PITPNM2: variants seen among roughly 807,000 people sequenced by gnomAD.
PITPNM2 encodes membrane-associated phosphatidylinositol transfer protein 2.
PITPNM2 carries 35 observed loss-of-function variants against 132.2 expected under a neutral mutation model. The observed-to-expected ratio is 0.26, with a 90% CI of 0.20 to 0.35. The LOEUF is 0.35. PITPNM2 is among the 10% of genes least tolerant of loss of function. PITPNM2 has a pLI of 1.00. For synonymous variants in PITPNM2, 738 were observed against 799.2 expected, an observed-to-expected ratio of 0.92 and a Z score of 1.29; for missense variants, 1,332 against 1,912.0, an observed-to-expected ratio of 0.70 and a Z score of 5.66.
intron 2 of PITPNM2, among the ~76,000 whole-genome samples, chr12:123,109,128 C>T (rs1010577409): frequency 5.9e-5 from 9 of 152,204 alleles, no homozygotes; most frequent in African/African-American, 2.2e-4. Context: ...ATTAAACCTA[C>T]CCCCACCAGC....
chr12:123,131,555 G>A (rs184306966), intron 1 of PITPNM2, among the ~76,000 whole-genome samples: 12 of 152,292 alleles, frequency 7.9e-5, no homozygotes, highest in Admixed American at 6.5e-5. Flanking sequence ...ATATGGTAGT[G>A]CACAAGCCCC....
At chr12:123,151,159 AGCGGCG>A (rs1048978238), upstream of PITPNM2, among the ~76,000 whole-genome samples, 2 of 143,302 alleles carry the variant, frequency 1.4e-5, no homozygotes, top group Admixed American at 6.8e-5. Context: ...CGCGCGGGGG[AGCGGCG>A]GCGGCGGCGG....
At position 123,078,781 on chromosome 12, in the gene PITPNM2, G is replaced by A. The variant is rs1025235337; in HGVS notation, c.-96+31604C>T. ...GGATGGGGACTCCCAGGCTCCCCAC[G>A]CTGGGTGGCATCTCCCATCACGCCT... is the stretch of plus-strand genomic sequence containing the variant. On this transcript the variant is annotated intron_variant, in intron 2 of 25. Coordinates refer to ENST00000320201, the MANE Select transcript of PITPNM2 (RefSeq NM_020845.3). This position sits in a 1 kb window ranked among gnomAD's most constrained non-coding sequence, Gnocchi z 7.3. Among the ~76,000 whole-genome samples the A allele has an allele frequency of 3.3e-5, 5 of 152,310 alleles. No individual in the cohort carries two copies. Among genetic ancestry groups the A allele is most frequent in the Admixed American group, 2.6e-4 (4 of 15,302 alleles).
chr12:123,017,659 C>T (rs773473326), intron 3 of PITPNM2, among the ~76,000 whole-genome samples: 4 of 152,140 alleles, frequency 2.6e-5, no homozygotes, highest in Admixed American at 6.5e-5. Context: ...TCTATCCATA[C>T]AATAATAGAA....
At chr12:123,147,805 T>C (rs993232988) in intron 1 of PITPNM2, among the ~76,000 whole-genome samples, 1 of 152,200 alleles carries the variant, frequency 6.6e-6, no homozygotes, top group African/African-American at 2.4e-5. Flanking sequence ...TTGACCTCTC[T>C]GTGTGTCTTA....
At chr12:123,135,255 A>G (rs2043351405) in intron 1 of PITPNM2, among the ~76,000 whole-genome samples, 1 of 152,220 alleles carries the variant, frequency 6.6e-6, no homozygotes, top group East Asian at 1.9e-4. Flanking sequence ...AGGTAGGTTC[A>G]GGTTCCATTT....
chr12:123,065,065 A>G (rs2041368825), intron 2 of PITPNM2, among the ~76,000 whole-genome samples: 1 of 152,182 alleles, frequency 6.6e-6, no homozygotes, highest in African/African-American at 2.4e-5. Context: ...CCCATTCTGC[A>G]GGCACTTGCC....
rs560375404 is a variant in PITPNM2, at chr12:123,009,604, T to G, written c.643+246A>C. ...GTCTGGGGGCAGTGCCTAGGGCTTCTTCATCCAACAACACACACTGCTTGT... is the reference window on the plus strand; with the variant it reads ...GTCTGGGGGCAGTGCCTAGGGCTTCGTCATCCAACAACACACACTGCTTGT... On this transcript the variant is annotated intron_variant, in intron 6 of 25. Coordinates refer to ENST00000320201, the MANE Select transcript of PITPNM2 (RefSeq NM_020845.3). This position sits in a 1 kb window ranked among gnomAD's most constrained non-coding sequence, Gnocchi z 4.8. 6.6e-6 allele frequency among the ~76,000 whole-genome samples: 1 copy of G among 152,336 alleles called. No individual in the cohort carries two copies. The highest frequency in any genetic ancestry group is 1.9e-4 in the East Asian group (1 of 5,192).
At chr12:122,997,258 G>A (rs890044843) in intron 11 of PITPNM2, 67 bp downstream of exon 11, 1 of 1,595,940 alleles carries the variant, frequency 6.3e-7, no homozygotes, top group African/African-American at 1.3e-5. Flanking sequence ...GGAGCCACCT[G>A]AGGCCCAGGG....
chr12:123,062,856 C>A (rs527942028), intron 2 of PITPNM2, among the ~76,000 whole-genome samples: 4 of 152,148 alleles, frequency 2.6e-5, no homozygotes, highest in African/African-American at 9.7e-5. Context: ...CTGTGTGAAC[C>A]AACTGCATAT....
At chr12:123,006,975 G>A (rs904409140) in intron 6 of PITPNM2, among the ~76,000 whole-genome samples, 1 of 152,102 alleles carries the variant, frequency 6.6e-6, no homozygotes, top group Admixed American at 6.6e-5. Context: ...ACATTAAAAA[G>A]CAATGAGACA....
intron 2 of PITPNM2, among the ~76,000 whole-genome samples, chr12:123,071,534 C>A (rs1422880822): frequency 6.6e-6 from 1 of 152,236 alleles, no homozygotes; most frequent in Non-Finnish European, 1.5e-5. Flanking sequence ...GATCACACCT[C>A]CTGACAGAAA....
intron 1 of PITPNM2, among the ~76,000 whole-genome samples, chr12:123,122,462 CA>C (rs1373563836): frequency 2.0e-5 from 3 of 151,328 alleles, no homozygotes; most frequent in African/African-American, 4.9e-5. Flanking sequence ...GCTCCGTCTC[CA>C]AAAAAAAGAA....
In PITPNM2 at chr12:123,058,554, A is replaced by G. The variant is rs1189892925; in HGVS notation, c.-95-23869T>C. ...GCCTCTCCAGGGCCTCTCTCACTCC[A>G]CCATTCACCTGCTGTTCCCTGCTGT... On this transcript the variant is annotated intron_variant, in intron 2 of 25. Transcript: ENST00000320201. The surrounding 1 kb of genome is among the most constrained non-coding windows in gnomAD (Gnocchi z 4.0). Among the ~76,000 whole-genome samples, 1 of 151,724 alleles carries G rather than the reference A, an allele frequency of 6.6e-6. No individual in the cohort carries two copies. Among genetic ancestry groups the G allele is most frequent in the Non-Finnish European group, 1.5e-5 (1 of 67,924 alleles).
chr12:123,139,393 C>T (rs889998646), intron 1 of PITPNM2, among the ~76,000 whole-genome samples: 4 of 151,034 alleles, frequency 2.6e-5, no homozygotes, highest in African/African-American at 9.7e-5. Flanking sequence ...CCCAGCTACT[C>T]AGGAGGCTGA....
chr12:123,052,077 G>GT (rs10606016), intron 2 of PITPNM2, among the ~76,000 whole-genome samples: 6,672 of 100,616 alleles, frequency 0.066, 302 homozygotes, highest in Non-Finnish European at 0.09. Context: ...TAATTTTATT[G>GT]TTTTTTTTTT....
chr12:123,096,387 C>G (rs757483314), intron 2 of PITPNM2, among the ~76,000 whole-genome samples: 6 of 152,214 alleles, frequency 3.9e-5, no homozygotes, highest in Non-Finnish European at 7.3e-5. Flanking sequence ...ATATTTTATT[C>G]ACGGTGAGTT....
intron 12 of PITPNM2, 26 bp downstream of exon 12, chr12:122,996,695 C>T: frequency 2.5e-6 from 4 of 1,610,652 alleles, no homozygotes; most frequent in Non-Finnish European, 2.5e-6. Flanking sequence ...CATCCTCCTC[C>T]CCTCCCCAAC....
chr12:123,067,861 C>T (rs1183984371), intron 2 of PITPNM2, among the ~76,000 whole-genome samples: 1 of 152,172 alleles, frequency 6.6e-6, no homozygotes, highest in Non-Finnish European at 1.5e-5. Context: ...GCTCCGGGCA[C>T]CCTGCAGGAG....
Sources: gnomAD v4.1 joint callset for allele counts (sites outside exome capture counted in the v4.1 genomes callset) on GRCh38, gnomAD v4.1.1 for gene constraint, Gnocchi (gnomAD v3.1) non-coding constraint, MANE v1.5 for transcripts, NCBI Gene and HGNC (gene_info 2026-07-23, HGNC 2026-07-21) for gene names.